The following ROBO1 variants were observed in gnomAD, a reference collection of about 807,000 sequenced individuals.
ROBO1 encodes roundabout guidance receptor 1, also known as roundabout homolog 1.
In ROBO1, 149 loss-of-function variants were observed where a neutral mutation model predicts 195.9. The observed-to-expected ratio is 0.76, with a 90% confidence interval of 0.67 to 0.87. The LOEUF (loss-of-function observed/expected upper bound fraction) is 0.87, where lower values mean the gene tolerates loss of function less well. ROBO1 is among the 40% of genes least tolerant of loss of function. The pLI is 0.00. For missense variants in ROBO1, 1,933 were observed against 2,068.3 expected (o/e 0.93, Z 1.27); for synonymous variants, 816 against 733.2 (o/e 1.11, Z -1.82).
At chr3:79,354,046 CA>C (rs34826463) in intron 2 of ROBO1, among the ~76,000 whole-genome samples, 24,823 of 132,374 alleles carry the variant, frequency 0.19, 2,134 homozygotes, top group African/African-American at 0.26. Flanking sequence ...CTCTGTCTCA[CA>C]AAAAAAAAAA....
At chr3:78,703,003 T>A (rs754235371) in intron 8 of ROBO1, among the ~76,000 whole-genome samples, 3 of 152,226 alleles carry the variant, frequency 2.0e-5, no homozygotes, top group Non-Finnish European at 2.9e-5. Flanking sequence ...ATGAAGTGAA[T>A]GCCTTTCTTT....
At position 79,118,595 on chromosome 3, in the gene ROBO1, C is replaced by T. The variant is rs771387188; in HGVS notation, c.172+6861G>A. On this transcript the variant is annotated intron_variant, in intron 3 of 30. Transcript: ENST00000464233. The stretch of plus-strand genomic sequence containing the variant: ...CTTATATTTTAAAAATTGGGCTGGG[C>T]GCGGTGGCTCACGCCTGTAATCCCA... Among the ~76,000 whole-genome samples the T allele has an allele frequency of 9.9e-5, 15 of 152,062 alleles. 1 individual carries two copies. The highest frequency in any genetic ancestry group is 1.9e-4 in the East Asian group (1 of 5,170).
chr3:79,717,105 C>T (rs1702518419), intron 1 of ROBO1, among the ~76,000 whole-genome samples: 1 of 151,844 alleles, frequency 6.6e-6, no homozygotes, highest in African/African-American at 2.4e-5. Context: ...TTCCTCTTAT[C>T]TTAAAAAATT....
chr3:79,608,850 CAT>C (rs1466149996), intron 1 of ROBO1, among the ~76,000 whole-genome samples: 1 of 151,870 alleles, frequency 6.6e-6, no homozygotes, highest in African/African-American at 2.4e-5. Context: ...CAAAAATACA[CAT>C]GTTGAAATTC....
intron 1 of ROBO1, among the ~76,000 whole-genome samples, chr3:79,623,017 AG>A (rs1331426810): frequency 2.6e-5 from 4 of 152,140 alleles, no homozygotes; most frequent in African/African-American, 4.8e-5. Context: ...TCCAGGTGCA[AG>A]AGCGAATCAG....
rs545350670 is a variant in ROBO1 at position 78,806,812 on chromosome 3, C to CT, written c.500-59913dup. ...ATAAAGACCTTGCTTTTTTAAATAT[C>CT]TTTTTTTTTTCCCGATACAGAGTCT... On this transcript the variant is annotated intron_variant, in intron 4 of 30. Transcript: ENST00000464233. Among the ~76,000 whole-genome samples the CT allele has an allele frequency of 3.1e-3, 459 of 149,434 alleles. 2 individuals are homozygous for CT. The highest frequency in any genetic ancestry group is 6.3e-3 in the African/African-American group (256 of 40,784).
chr3:79,722,199 A>G (rs918292540), intron 1 of ROBO1, among the ~76,000 whole-genome samples: 4 of 152,224 alleles, frequency 2.6e-5, no homozygotes, highest in African/African-American at 9.6e-5. Flanking sequence ...AAAAGTTAAA[A>G]TCAAAGATGT....
chr3:79,427,252 C>A (rs1330000722), intron 2 of ROBO1, among the ~76,000 whole-genome samples: 1 of 152,052 alleles, frequency 6.6e-6, no homozygotes, highest in Admixed American at 6.6e-5. Flanking sequence ...TACGCACATC[C>A]TAGTGGCATT....
At chr3:78,990,940 A>T (rs557996554) in intron 3 of ROBO1, among the ~76,000 whole-genome samples, 1 of 152,338 alleles carries the variant, frequency 6.6e-6, no homozygotes, top group African/African-American at 2.4e-5. Flanking sequence ...AATAAGTATA[A>T]TTTAAATTGC....
intron 8 of ROBO1, among the ~76,000 whole-genome samples, chr3:78,696,270 C>A (rs1321280978): frequency 6.6e-6 from 1 of 152,146 alleles, no homozygotes; most frequent in Non-Finnish European, 1.5e-5. Context: ...GTTGGAAGCA[C>A]CTGTGTCCCA....
intron 3 of ROBO1, among the ~76,000 whole-genome samples, chr3:79,118,135 T>C (rs933441044): frequency 3.9e-5 from 6 of 152,172 alleles, no homozygotes; most frequent in African/African-American, 1.4e-4. Flanking sequence ...GTACGAGTCT[T>C]ACTAGGTTAG....
At chr3:79,352,001 C>T (rs1476454958) in intron 2 of ROBO1, among the ~76,000 whole-genome samples, 1 of 152,200 alleles carries the variant, frequency 6.6e-6, no homozygotes, top group Non-Finnish European at 1.5e-5. Flanking sequence ...AAGCATTCCT[C>T]TGTCCTTGCT....
At chr3:79,108,693 A>G (rs1444253383) in intron 3 of ROBO1, among the ~76,000 whole-genome samples, 1 of 151,784 alleles carries the variant, frequency 6.6e-6, no homozygotes, top group Non-Finnish European at 1.5e-5. Context: ...GTTGTCTTAG[A>G]GTAACGTCTT....
At chr3:78,725,030 C>A (rs182092938) in intron 5 of ROBO1, among the ~76,000 whole-genome samples, 6 of 152,216 alleles carry the variant, frequency 3.9e-5, no homozygotes, top group African/African-American at 1.4e-4. Context: ...TAACATAATC[C>A]GGGTAGTGGA....
intron 2 of ROBO1, among the ~76,000 whole-genome samples, chr3:79,588,895 T>C (rs184361832): frequency 7.0e-4 from 106 of 151,824 alleles, no homozygotes; most frequent in African/African-American, 2.5e-3. Context: ...AAAATGTCAA[T>C]CTTAACCCAG....
chr3:78,963,521 CT>C (rs1374749983), intron 3 of ROBO1, among the ~76,000 whole-genome samples: 7,885 of 53,952 alleles, frequency 0.15, 311 homozygotes, highest in African/African-American at 0.21. Context: ...TTTTTTTTTT[CT>C]TTTTTTTTTT....
At chr3:78,744,227 C>A (rs2082601331) in intron 5 of ROBO1, among the ~76,000 whole-genome samples, 2 of 152,182 alleles carry the variant, frequency 1.3e-5, no homozygotes, top group African/African-American at 4.8e-5. Context: ...CTTTTGCTCA[C>A]AAACACATCC....
intron 2 of ROBO1, among the ~76,000 whole-genome samples, chr3:79,202,077 C>A (rs986604736): frequency 1.3e-5 from 2 of 151,870 alleles, no homozygotes; most frequent in Non-Finnish European, 2.9e-5. Context: ...CATGATCCTT[C>A]AAGTCTGGGC....
chr3:78,910,420 A>C (rs1281182603), intron 4 of ROBO1, among the ~76,000 whole-genome samples: 1 of 151,874 alleles, frequency 6.6e-6, no homozygotes, highest in South Asian at 2.1e-4. Flanking sequence ...AAATTTGTGG[A>C]AACAGGAGAA....
Sources: gnomAD v4.1 joint callset for allele counts (sites outside exome capture counted in the v4.1 genomes callset) on GRCh38, gnomAD v4.1.1 for gene constraint, MANE v1.5 for transcripts, NCBI Gene and HGNC (gene_info 2026-07-23, HGNC 2026-07-21) for gene names.